Variants in OR6S1 observed in about 807,000 individuals in gnomAD.
OR6S1 encodes olfactory receptor 6S1.
For missense variants in OR6S1, 443 were observed against 401.7 expected, an observed-to-expected ratio of 1.10 and a Z score of -0.88; for synonymous variants, 182 against 166.0, an observed-to-expected ratio of 1.10 and a Z score of -0.74.
rs1167743972 is a variant in OR6S1, at chr14:20,640,888, A to T, written c.804T>A (p.Ser268Arg). The change falls in exon 1 of 1, where the codon AGT becomes AGA. Residue 268 changes from serine to arginine, a missense_variant. Physicochemically the swap from Ser to Arg is moderately radical, Grantham distance 110. Transcript: ENST00000320704. ...CTGCCCAGTTAGTGTCCACAGAACC[A>T]CTCTGCGATGGCCGCACATAGAGAA... ...AIFLYVRPSQ[S>R]GSVDTNWAVT... The T allele has an allele frequency of 1.4e-5, 23 of 1,613,760 alleles. No individual in the cohort carries two copies. Among genetic ancestry groups the T allele is most frequent in the Non-Finnish European group, 1.9e-5 (22 of 1,179,950 alleles).
chr14:20,641,317 G>A lies in OR6S1; in HGVS notation c.375C>T (p.Tyr125=), dbSNP rs773181309. The A allele has an allele frequency of 6.2e-7, 1 of 1,614,130 alleles. No individual in the cohort carries two copies. Among genetic ancestry groups the A allele is most frequent in the Admixed American group, 1.7e-5 (1 of 60,026 alleles). ...AGCGCAGAGGATGACAGATGGCCAG[G>A]TAGCGATCCGCAGACATGACAGCCA... ...LLLAVMSADR[Y]LAICHPLRYP... The change falls in exon 1 of 1, where the codon TAC becomes TAT. Residue 125 remains tyrosine, a synonymous_variant. Transcript: ENST00000320704.
At position 20,641,259 on chromosome 14, in the gene OR6S1, G is replaced by T; in HGVS notation, c.433C>A (p.Arg145Ser). The change falls in exon 1 of 1, where the codon CGT becomes AGT. Residue 145 changes from arginine to serine, a missense_variant. Arg to Ser is a moderately radical substitution (Grantham distance 110). Coordinates refer to ENST00000320704, the MANE Select transcript of OR6S1 (RefSeq NM_001001968.1). ...CCCACCCAGCAGGCCAAGGCCACAC[G>T]AAAGCACACAGCCCCACTCATGAGC... is the stretch of plus-strand genomic sequence containing the variant. ...PLLMSGAVCF[R>S]VALACWVGGL... 6.2e-7 allele frequency: 1 copy of T among 1,614,146 alleles called. No homozygotes were observed. The highest frequency in any genetic ancestry group is 8.5e-7 in the Non-Finnish European group (1 of 1,180,000).
At position 20,641,571 on chromosome 14, in the gene OR6S1, G is replaced by T. The variant is rs1885543085; in HGVS notation, c.121C>A (p.Leu41Met). 6.2e-7 allele frequency: 1 copy of T among 1,613,372 alleles called. No homozygotes were observed. Among genetic ancestry groups the T allele is most frequent in the African/African-American group, 1.3e-5 (1 of 74,908 alleles). Residue 41 changes from leucine to methionine, a missense_variant, in exon 1 of 1, where the codon CTG becomes ATG. Physicochemically the swap from Leu to Met is conservative, Grantham distance 15 (BLOSUM62 2). Transcript: ENST00000320704. ...SVFLLVYLLN[L>M]TGNVLIVGVV... is the part of the protein sequence containing the mutation. Reference sequence around the variant, plus strand: ...CCCACAATCAACACATTGCCTGTCAGATTCAGGAGATAGACAAGAAGAAAC... The same window carrying T: ...CCCACAATCAACACATTGCCTGTCATATTCAGGAGATAGACAAGAAGAAAC...
In OR6S1 at chr14:20,641,100, G is replaced by A. The variant is rs756328584; in HGVS notation, c.592C>T (p.Leu198=). The A allele has an allele frequency of 1.2e-6, 2 of 1,614,204 alleles. No individual in the cohort carries two copies. The highest frequency in any genetic ancestry group is 1.1e-5 in the South Asian group (1 of 91,084). ...LRLACTNTKK[L]EETDFVLASL... is the part of the protein sequence containing the mutation. Reference sequence around the variant, plus strand: ...GCCAGGACAAAGTCAGTCTCCTCCAGCTTCTTGGTGTTGGTGCAAGCCAGG... The same window carrying A: ...GCCAGGACAAAGTCAGTCTCCTCCAACTTCTTGGTGTTGGTGCAAGCCAGG... The change falls in exon 1 of 1, where the codon CTG becomes TTG. Residue 198 remains leucine (L), a synonymous_variant. Transcript: ENST00000320704.
rs1264430807 is a variant in OR6S1, at chr14:20,640,889, C to T, written c.803G>A (p.Ser268Asn). 6.2e-7 allele frequency: 1 copy of T among 1,614,084 alleles called. No homozygotes were observed. Among genetic ancestry groups the T allele is most frequent in the Non-Finnish European group, 8.5e-7 (1 of 1,180,006 alleles). Reference sequence around the variant, plus strand: ...TGCCCAGTTAGTGTCCACAGAACCACTCTGCGATGGCCGCACATAGAGAAA... The same window carrying T: ...TGCCCAGTTAGTGTCCACAGAACCATTCTGCGATGGCCGCACATAGAGAAA... Reference protein sequence around the residue: ...AIFLYVRPSQSGSVDTNWAVT... With the variant: ...AIFLYVRPSQNGSVDTNWAVT... Residue 268 changes from serine to asparagine, a missense_variant, in exon 1 of 1, where the codon AGT becomes AAT. Transcript: ENST00000320704.
At position 20,640,782 on chromosome 14, in the gene OR6S1, A is replaced by G; in HGVS notation, c.910T>C (p.Leu304=). 6.2e-7 allele frequency: 1 copy of G among 1,614,064 alleles called. No homozygotes were observed. Among genetic ancestry groups the G allele is most frequent in the South Asian group, 1.1e-5 (1 of 91,078 alleles). Residue 304 remains leucine (L), a synonymous_variant, in exon 1 of 1, where the codon TTG becomes CTG. Coordinates refer to ENST00000320704, the MANE Select transcript of OR6S1 (RefSeq NM_001001968.1). ...ALRNEQVKEA[L]KDMFRKVVAG... ...ACTACCTTCCTAAACATGTCCTTCA[A>G]AGCTTCCTTGACTTGCTCATTACGT...
In OR6S1 at chr14:20,640,974, C is replaced by A. The variant is rs543108960; in HGVS notation, c.718G>T (p.Ala240Ser). 2 of 1,614,038 alleles carry A rather than the reference C, an allele frequency of 1.2e-6. No homozygotes were observed. Among genetic ancestry groups the A allele is most frequent in the Non-Finnish European group, 8.5e-7 (1 of 1,180,022 alleles). The stretch of plus-strand genomic sequence containing the variant: ...AAGTGGGAGGTACAGGTAGAGAAGG[C>A]CTTCTGACGGCCTGAAGCAGAGGGG... ...SIPSASGRQK[A>S]FSTCTSHLIV... Residue 240 changes from alanine to serine, a missense_variant, in exon 1 of 1, where the codon GCC becomes TCC. Physicochemically the swap from Ala to Ser is moderately conservative, Grantham distance 99. Transcript: ENST00000320704.
chr14:20,641,629 AT>A lies in OR6S1; in HGVS notation c.62del (p.Asn21IlefsTer19). On this transcript the variant is annotated frameshift_variant, in exon 1 of 1. Coordinates refer to ENST00000320704, the MANE Select transcript of OR6S1 (RefSeq NM_001001968.1). LOFTEE classifies it low-confidence loss of function (END_TRUNC). ...ATAATTCCACTCTTGCGCTGTTGAG[AT>A]TTGGGAGCCCTGCCAGGACGAACTC... Reference protein sequence around the residue: ...PTEFVLAGLPNLNSARVELFS... With the variant: ...PTEFVLAGLPXLNSARVELFS... 1 of 1,613,512 alleles carries A rather than the reference AT, an allele frequency of 6.2e-7. No homozygotes were observed. Among genetic ancestry groups the A allele is most frequent in the Non-Finnish European group, 8.5e-7 (1 of 1,179,572 alleles).
Position 20,641,366 on chromosome 14 carries a change from A to G in OR6S1, c.326T>C (p.Leu109Pro). 1.2e-6 allele frequency: 2 copies of G among 1,614,192 alleles called. No homozygotes were observed. The highest frequency in any genetic ancestry group is 1.3e-5 in the African/African-American group (1 of 75,052). ...CITQFYFYFFLGASEFLLLAV... is the reference protein window; with the variant it reads ...CITQFYFYFFPGASEFLLLAV... ...CAACAGTAAGAACTCGGAGGCCCCG[A>G]GAAAGAAGTAGAAATAGAATTGGGT... The change falls in exon 1 of 1, where the codon CTC (leucine) becomes CCC (proline). Residue 109 changes from leucine to proline, a missense_variant. Physicochemically the swap from Leu to Pro is moderately conservative, Grantham distance 98. Coordinates refer to ENST00000320704, the MANE Select transcript of OR6S1 (RefSeq NM_001001968.1).
In OR6S1 at chr14:20,641,080, G is replaced by A; in HGVS notation, c.612C>T (p.Val204=). 1 of 1,614,158 alleles carries A rather than the reference G, an allele frequency of 6.2e-7. No homozygotes were observed. The highest frequency in any genetic ancestry group is 1.3e-5 in the African/African-American group (1 of 75,032). ...NTKKLEETDF[V]LASLVIVSSL... The stretch of plus-strand genomic sequence containing the variant: ...AAGATACAATGACGAGGGAGGCCAG[G>A]ACAAAGTCAGTCTCCTCCAGCTTCT... The change falls in exon 1 of 1, where the codon GTC becomes GTT. Residue 204 remains valine (V), a synonymous_variant. Transcript: ENST00000320704.
In OR6S1 at chr14:20,640,942, C is replaced by G; in HGVS notation, c.750G>C (p.Val250=). Residue 250 remains valine, a synonymous_variant, in exon 1 of 1, where the codon GTG becomes GTC. Coordinates refer to ENST00000320704, the MANE Select transcript of OR6S1 (RefSeq NM_001001968.1). ...AFSTCTSHLI[V]VTLFYGSAIF... is the part of the protein sequence containing the mutation. ...TGGCACTTCCATAGAAGAGGGTCAC[C>G]ACTATCAAGTGGGAGGTACAGGTAG... 6.2e-7 allele frequency: 1 copy of G among 1,614,104 alleles called. No individual in the cohort carries two copies. The highest frequency in any genetic ancestry group is 8.5e-7 in the Non-Finnish European group (1 of 1,180,024).
Position 20,640,897 on chromosome 14 carries a change from T to A in OR6S1, c.795A>T (p.Pro265=), listed in dbSNP as rs191340785. The change falls in exon 1 of 1, where the codon CCA becomes CCT. Residue 265 remains proline, a synonymous_variant. Transcript: ENST00000320704. ...TAGTGTCCACAGAACCACTCTGCGA[T>A]GGCCGCACATAGAGAAAAATGGCAC... is the stretch of plus-strand genomic sequence containing the variant. ...YGSAIFLYVR[P]SQSGSVDTNW... The A allele has an allele frequency of 6.2e-7, 1 of 1,614,094 alleles. No homozygotes were observed. Among genetic ancestry groups the A allele is most frequent in the Non-Finnish European group, 8.5e-7 (1 of 1,179,994 alleles).
In OR6S1 at chr14:20,640,707, C is replaced by G. The variant is rs749053103; in HGVS notation, c.985G>C (p.Ala329Pro). ...TAGACTCTTCACTTTTACTTTACTGCTTTCTCACTGAGACATTTATCAAGT... is the reference window on the plus strand; with the variant it reads ...TAGACTCTTCACTTTTACTTTACTGGTTTCTCACTGAGACATTTATCAAGT... ...LLLDKCLSEK[A>P]VK Residue 329 changes from alanine to proline, a missense_variant, in exon 1 of 1, where the codon GCA becomes CCA. Transcript: ENST00000320704. 2.6e-5 allele frequency: 35 copies of G among 1,362,962 alleles called. No homozygotes were observed. The highest frequency in any genetic ancestry group is 3.3e-5 in the Non-Finnish European group (33 of 997,564). 84.4% of individuals were successfully genotyped at this position (1,362,962 alleles called of 1,614,324 possible). A position where few individuals can be genotyped will look rare whatever the true frequency, so the allele number is the denominator to read the frequency against.
Position 20,641,446 on chromosome 14 carries a change from C to G in OR6S1, c.246G>C (p.Lys82Asn). ...EILLTSVIIP[K>N]MLSNFLSRQH... ...GCCTTGAGAGGAAATTGCTCAGCAT[C>G]TTTGGAATGATGACAGAAGTGAGCA... is the stretch of plus-strand genomic sequence containing the variant. The change falls in exon 1 of 1, where the codon AAG becomes AAC. Residue 82 changes from lysine (K) to asparagine (N), a missense_variant. Coordinates refer to ENST00000320704, the MANE Select transcript of OR6S1 (RefSeq NM_001001968.1). 6.2e-7 allele frequency: 1 copy of G among 1,614,150 alleles called. No individual in the cohort carries two copies. The highest frequency in any genetic ancestry group is 1.1e-5 in the South Asian group (1 of 91,070).
rs1483094390 is a variant in OR6S1 at position 20,641,678 on chromosome 14, C to A, written c.14G>T (p.Gly5Val). 1 of 1,595,242 alleles carries A rather than the reference C, an allele frequency of 6.3e-7. No homozygotes were observed. The highest frequency in any genetic ancestry group is 1.3e-5 in the African/African-American group (1 of 74,290). ...CTCTGTTGGATCACTACTGTGGTTCCCATCAGGACTCATTGTCTTTTTCAC... is the reference window on the plus strand; with the variant it reads ...CTCTGTTGGATCACTACTGTGGTTCACATCAGGACTCATTGTCTTTTTCAC... MSPD[G>V]NHSSDPTEFV... Residue 5 changes from glycine (G) to valine (V), a missense_variant, in exon 1 of 1, where the codon GGG becomes GTG. Coordinates refer to ENST00000320704, the MANE Select transcript of OR6S1 (RefSeq NM_001001968.1).
rs918177153 is a variant in OR6S1, at chr14:20,640,762, C to T, written c.930G>A (p.Lys310=). 3 of 1,612,176 alleles carry T rather than the reference C, an allele frequency of 1.9e-6. No homozygotes were observed. The highest frequency in any genetic ancestry group is 3.3e-5 in the Admixed American group (2 of 59,920). The change falls in exon 1 of 1, where the codon AAG becomes AAA. Residue 310 remains lysine (K), a synonymous_variant. Coordinates refer to ENST00000320704, the MANE Select transcript of OR6S1 (RefSeq NM_001001968.1). ...GATTCCCTAAAACGCCTGCCACTAC[C>T]TTCCTAAACATGTCCTTCAAAGCTT... ...VKEALKDMFR[K]VVAGVLGNLL... is the part of the protein sequence containing the mutation.
chr14:20,640,863 C>T lies in OR6S1; in HGVS notation c.829G>A (p.Val277Met), dbSNP rs1225249732. 6.2e-7 allele frequency: 1 copy of T among 1,614,052 alleles called. No homozygotes were observed. Among genetic ancestry groups the T allele is most frequent in the South Asian group, 1.1e-5 (1 of 91,074 alleles). ...QSGSVDTNWA[V>M]TVITTFVTPL... ...GTCACAAATGTCGTTATTACTGTCA[C>T]TGCCCAGTTAGTGTCCACAGAACCA... is the stretch of plus-strand genomic sequence containing the variant. Residue 277 changes from valine to methionine, a missense_variant, in exon 1 of 1, where the codon GTG (valine) becomes ATG (methionine). By Grantham distance (21) the Val-to-Met change is conservative. Transcript: ENST00000320704.
At position 20,640,996 on chromosome 14, in the gene OR6S1, G is replaced by A; in HGVS notation, c.696C>T (p.Pro232=). The A allele has an allele frequency of 6.2e-7, 1 of 1,614,054 alleles. No individual in the cohort carries two copies. The highest frequency in any genetic ancestry group is 8.5e-7 in the Non-Finnish European group (1 of 1,180,002). The change falls in exon 1 of 1, where the codon CCC becomes CCT. Residue 232 remains proline (P), a synonymous_variant. Transcript: ENST00000320704. ...GLIVLAVLSI[P]SASGRQKAFS... The stretch of plus-strand genomic sequence containing the variant: ...AGGCCTTCTGACGGCCTGAAGCAGA[G>A]GGGATGCTCAGGACTGCCAGCACAA...
chr14:20,641,396 C>T lies in OR6S1; in HGVS notation c.296G>A (p.Cys99Tyr). 1.9e-6 allele frequency: 3 copies of T among 1,614,150 alleles called. No homozygotes were observed. Among genetic ancestry groups the T allele is most frequent in the South Asian group, 1.1e-5 (1 of 91,068 alleles). ...GAAGTAGAAATAGAATTGGGTGATA[C>T]ATGCAGCAAAGGAAATAGTGTGTTG... ...SRQHTISFAA[C>Y]ITQFYFYFFL... Residue 99 changes from cysteine (C) to tyrosine (Y), a missense_variant, in exon 1 of 1, where the codon TGT becomes TAT. Cys to Tyr is a radical substitution (Grantham distance 194). Transcript: ENST00000320704.
Sources: gnomAD v4.1 joint callset for allele counts on GRCh38, gnomAD v4.1.1 for gene constraint, MANE v1.5 for transcripts, NCBI Gene and HGNC (gene_info 2026-07-23, HGNC 2026-07-21) for gene names.